Variants in CCDC102B observed in about 807,000 individuals in gnomAD.
The protein encoded by CCDC102B is coiled-coil domain containing 102B.
CCDC102B carries 75 observed loss-of-function variants against 57.4 expected under a neutral mutation model. The ratio of observed to expected loss-of-function variants is 1.31; its 90% CI spans 1.08 to 1.58. The LOEUF is 1.58. CCDC102B is among the 40% of genes most tolerant of loss of function. The pLI is 0.00. For synonymous variants in CCDC102B, 206 were observed against 201.9 expected (o/e 1.02, Z -0.17); for missense variants, 636 against 582.6 (o/e 1.09, Z -0.94).
At chr18:68,885,779 A>G (rs759782154) in intron 5 of CCDC102B, among the ~76,000 whole-genome samples, 1 of 152,048 alleles carries the variant, frequency 6.6e-6, no homozygotes, top group Non-Finnish European at 1.5e-5. Flanking sequence ...AAGTAGAACT[A>G]AATAGAAAAG....
At chr18:69,032,067 C>T (rs934587984) in intron 7 of CCDC102B, among the ~76,000 whole-genome samples, 2 of 151,784 alleles carry the variant, frequency 1.3e-5, no homozygotes, top group Non-Finnish European at 2.9e-5. Flanking sequence ...CCAGGTGGCT[C>T]ATAATATGTG....
intron 6 of CCDC102B, among the ~76,000 whole-genome samples, chr18:68,917,598 T>G (rs2145096453): frequency 6.6e-6 from 1 of 152,368 alleles, no homozygotes; most frequent in East Asian, 1.9e-4. Context: ...CTTGTATTAA[T>G]CGCTGTGTCC....
At chr18:68,777,590 TG>T (rs1246638826) in intron 2 of CCDC102B, among the ~76,000 whole-genome samples, 1 of 152,186 alleles carries the variant, frequency 6.6e-6, no homozygotes, top group African/African-American at 2.4e-5. Flanking sequence ...TTTCTTGGCA[TG>T]GGTTAAAGGG....
intron 2 of CCDC102B, among the ~76,000 whole-genome samples, chr18:68,736,411 C>A (rs1478750073): frequency 6.6e-6 from 1 of 152,188 alleles, no homozygotes; most frequent in Non-Finnish European, 1.5e-5. Flanking sequence ...TGAGTATGAG[C>A]TAACGTAAGA....
intron 7 of CCDC102B, among the ~76,000 whole-genome samples, chr18:69,046,681 A>T (rs761685648): frequency 6.6e-6 from 1 of 152,128 alleles, no homozygotes; most frequent in South Asian, 2.1e-4. Flanking sequence ...TCCTATGTAC[A>T]GAATGGTATT....
chr18:68,743,085 G>C (rs1055176945), intron 2 of CCDC102B, among the ~76,000 whole-genome samples: 1 of 152,020 alleles, frequency 6.6e-6, no homozygotes, highest in Non-Finnish European at 1.5e-5. Flanking sequence ...AAAATCTTGG[G>C]TCAGGCATGG....
intron 2 of CCDC102B, among the ~76,000 whole-genome samples, chr18:68,791,762 A>G (rs1247511787): frequency 6.6e-6 from 1 of 152,052 alleles, no homozygotes; most frequent in Non-Finnish European, 1.5e-5. Context: ...ATATTTATAT[A>G]TGAAAAATAA....
In CCDC102B at chr18:68,836,747, AG is replaced by A. The variant is rs1335955321; in HGVS notation, c.-15del. ...GAAATTATGGTCTCTATCTTTTCTC[AG>A]GTCTTAAAAATAAATATGAATTTAG... On this transcript the variant is annotated splice_acceptor_variant, in intron 1 of 7. Transcript: ENST00000360242. LOFTEE classifies it low-confidence loss of function (5UTR_SPLICE). 1.3e-6 allele frequency: 2 copies of A among 1,596,220 alleles called. No individual in the cohort carries two copies. Among genetic ancestry groups the A allele is most frequent in the Non-Finnish European group, 1.7e-6 (2 of 1,171,642 alleles).
chr18:68,894,092 T>C (rs1055849865), intron 5 of CCDC102B, among the ~76,000 whole-genome samples: 1 of 152,068 alleles, frequency 6.6e-6, no homozygotes, highest in African/African-American at 2.4e-5. Context: ...CAGGCCTTTC[T>C]ATGACACTCA....
At chr18:68,777,073 T>A (rs893292616) in intron 2 of CCDC102B, among the ~76,000 whole-genome samples, 1 of 152,166 alleles carries the variant, frequency 6.6e-6, no homozygotes, top group African/African-American at 2.4e-5. Context: ...GTGGGGAAAT[T>A]TTGAACTCAA....
chr18:68,860,478 A>AC (rs1555715305), intron 4 of CCDC102B, among the ~76,000 whole-genome samples: 524 of 97,344 alleles, frequency 5.4e-3, no homozygotes, highest in Middle Eastern at 0.011. Context: ...ACAAAAACAA[A>AC]AAAAAAAAAA....
At chr18:68,998,992 A>G (rs945877038) in intron 6 of CCDC102B, among the ~76,000 whole-genome samples, 2 of 32,580 alleles carry the variant, frequency 6.1e-5, no homozygotes, top group African/African-American at 1.6e-4. Flanking sequence ...ATATATATAT[A>G]TATATATAGA....
At chr18:69,005,939 T>C (rs1236459454) in intron 6 of CCDC102B, among the ~76,000 whole-genome samples, 1 of 151,974 alleles carries the variant, frequency 6.6e-6, no homozygotes, top group Non-Finnish European at 1.5e-5. Context: ...TTACAGAGTT[T>C]TACATGCTGA....
intron 2 of CCDC102B, chr18:68,721,093 T>G (rs1461113278): frequency 6.6e-6 from 1 of 152,184 alleles, no homozygotes; most frequent in African/African-American, 2.4e-5. Flanking sequence ...CCAGAGACTG[T>G]GAGATTGCTC....
At chr18:68,948,779 G>A (rs9954900) in intron 6 of CCDC102B, among the ~76,000 whole-genome samples, 43,034 of 151,970 alleles carry the variant, frequency 0.28, 7,182 homozygotes, top group African/African-American at 0.44. Context: ...ATACACTAGT[G>A]GTTCTAAGTG....
chr18:69,053,733 A>G (rs2052763794), intron 7 of CCDC102B, among the ~76,000 whole-genome samples: 1 of 151,782 alleles, frequency 6.6e-6, no homozygotes, highest in Non-Finnish European at 1.5e-5. Flanking sequence ...TGTGTCTTAT[A>G]TAGAATGGAT....
At chr18:68,848,086 A>T (rs2037957108) in intron 4 of CCDC102B, among the ~76,000 whole-genome samples, 1 of 151,782 alleles carries the variant, frequency 6.6e-6, no homozygotes, top group Admixed American at 6.6e-5. Flanking sequence ...GAGTTTAATT[A>T]TTTATATATT....
chr18:68,719,121 G>A (rs1027657896), intron 2 of CCDC102B, among the ~76,000 whole-genome samples: 6 of 151,974 alleles, frequency 3.9e-5, no homozygotes, highest in African/African-American at 1.2e-4. Context: ...AAACTAAAAC[G>A]ACTTAATAAT....
chr18:69,002,557 T>C (rs1252757180), intron 6 of CCDC102B, among the ~76,000 whole-genome samples: 2 of 152,170 alleles, frequency 1.3e-5, no homozygotes, highest in Non-Finnish European at 2.9e-5. Context: ...AACCATGAAG[T>C]CACTCTAACC....
Sources: allele counts gnomAD v4.1 joint callset (sites outside exome capture counted in the v4.1 genomes callset), GRCh38; gene constraint gnomAD v4.1.1; transcripts MANE v1.5; gene names NCBI Gene and HGNC (gene_info 2026-07-23, HGNC 2026-07-21).